The following TTLL9 variants were observed in gnomAD, a reference collection of about 807,000 sequenced individuals.
TTLL9 encodes tubulin tyrosine ligase like 9.
Under a neutral mutation model 65.6 loss-of-function variants are expected in TTLL9, and 47 were observed. The observed-to-expected ratio is 0.72, with a 90% CI of 0.57 to 0.91. The LOEUF (loss-of-function observed/expected upper bound fraction) is 0.91, where lower values mean the gene tolerates loss of function less well. Among genes scored for constraint, TTLL9 ranks in the 40% least tolerant of loss-of-function variants. TTLL9 has a pLI of 0.00. For missense variants in TTLL9, 537 were observed against 568.8 expected (o/e 0.94, Z 0.57); for synonymous variants, 179 against 204.8 (o/e 0.87, Z 1.07).
At chr20:31,884,660 C>G (rs1270936819) in intron 2 of TTLL9, among the ~76,000 whole-genome samples, 1 of 152,242 alleles carries the variant, frequency 6.6e-6, no homozygotes, top group Non-Finnish European at 1.5e-5. Context: ...GAGGCTGTCT[C>G]ATGGTCCCCT....
chr20:31,894,492 CTAAT>C (rs146076594), intron 3 of TTLL9, among the ~76,000 whole-genome samples: 13,084 of 152,078 alleles, frequency 0.086, 731 homozygotes, highest in African/African-American at 0.15. Context: ...AATTTCTTCT[CTAAT>C]GATTCTGATA....
Position 31,926,088 on chromosome 20 carries a change from CAG to C in TTLL9, c.746_747del (p.Gln249ArgfsTer67), listed in dbSNP as rs1310860192. 1 of 1,601,708 alleles carries C rather than the reference CAG, an allele frequency of 6.2e-7. No homozygotes were observed. The highest frequency in any genetic ancestry group is 1.3e-5 in the African/African-American group (1 of 74,670). Reference sequence around the variant, plus strand: ...CCTGCTGTGGTCTGGGCACAGGAGACAGGGTATGAGATAGGTCTGGTCCCTTC... The same window carrying C: ...CCTGCTGTGGTCTGGGCACAGGAGACGGTATGAGATAGGTCTGGTCCCTTC... Reference protein sequence around the residue: ...ECLLWSGHRRQDVHLTNVAVQ... With the variant: ...ECLLWSGHRRXDVHLTNVAVQ... On this transcript the variant is annotated frameshift_variant and splice_region_variant, in exon 10 of 15. Coordinates refer to ENST00000535842, the MANE Select transcript of TTLL9 (RefSeq NM_001008409.5). LOFTEE classifies it high-confidence loss of function.
intron 8 of TTLL9, 134 bp from the exon 9 acceptor site, chr20:31,924,875 C>A: frequency 1.0e-6 from 1 of 970,022 alleles, no homozygotes; most frequent in Non-Finnish European, 1.6e-6. Context: ...CCGCGCCTAG[C>A]CCCTTGTGTA....
intron 12 of TTLL9, 61 bp downstream of exon 12, chr20:31,934,949 C>T (rs1242494962): frequency 2.7e-6 from 4 of 1,502,136 alleles, no homozygotes; most frequent in Non-Finnish European, 3.6e-6. Flanking sequence ...CCCAGACTGC[C>T]CAGGTTTGAA....
rs60315473 is a variant in TTLL9, at chr20:31,931,078, C to CTT, written c.749-2705_749-2704dup. On this transcript the variant is annotated intron_variant, in intron 10 of 14. Coordinates refer to ENST00000535842, the MANE Select transcript of TTLL9 (RefSeq NM_001008409.5). ...TACTTTGCCCCAGCATCCTCTTTTC[C>CTT]TTTTTTTTTTTTTTTTTTCAAGACA... 3.3e-3 allele frequency among the ~76,000 whole-genome samples: 415 copies of CTT among 125,200 alleles called. 5 individuals are homozygous for CTT. Among genetic ancestry groups the CTT allele is most frequent in the African/African-American group, 4.1e-3 (140 of 33,756 alleles). The allele number at this position is 125,200 out of a possible 152,430, so 82.1% of individuals were successfully genotyped here. A position where few individuals can be genotyped will look rare whatever the true frequency, so the allele number is the denominator to read the frequency against.
At chr20:31,911,539 G>C (rs1413760841) in intron 6 of TTLL9, among the ~76,000 whole-genome samples, 1 of 152,224 alleles carries the variant, frequency 6.6e-6, no homozygotes, top group Admixed American at 6.5e-5. Flanking sequence ...AGGCCTCCCA[G>C]GTTCTTCCCC....
chr20:31,915,969 A>G (rs1363177671), intron 6 of TTLL9, among the ~76,000 whole-genome samples: 2 of 152,212 alleles, frequency 1.3e-5, no homozygotes, highest in African/African-American at 4.8e-5. Context: ...GTGAGCCCCC[A>G]GCTTGGACAG....
chr20:31,920,919 A>C (rs898148762), intron 7 of TTLL9, among the ~76,000 whole-genome samples: 37 of 152,208 alleles, frequency 2.4e-4, no homozygotes, highest in African/African-American at 8.7e-4. Context: ...AATAGGTGGG[A>C]GAGGTGTTTG....
intron 10 of TTLL9, among the ~76,000 whole-genome samples, chr20:31,932,482 A>AAAAAAAAAAAAAAG (rs2064035187): frequency 1.3e-5 from 2 of 151,168 alleles, no homozygotes; most frequent in African/African-American, 4.9e-5. Flanking sequence ...AAAAAAAAAA[A>AAAAAAAAAAAAAAG]AAAGGTCTAA....
intron 2 of TTLL9, among the ~76,000 whole-genome samples, chr20:31,885,007 A>G (rs1284590685): frequency 6.6e-6 from 1 of 152,222 alleles, no homozygotes; most frequent in East Asian, 1.9e-4. Context: ...TTAATTAAAA[A>G]TGTACAAGGC....
At chr20:31,938,093 TCTCCCTCTCCCTCTCCCTCC>T (rs1443575785) in intron 13 of TTLL9, 11 of 114,662 alleles carry the variant, frequency 9.6e-5, no homozygotes, top group Non-Finnish European at 1.5e-4. Context: ...CCTCCCTCCC[TCTCCCTCTCCCTCTCCCTCC>T]CTCCCTCTCC....
intron 14 of TTLL9, among the ~76,000 whole-genome samples, chr20:31,942,476 AC>A (rs972845327): frequency 6.6e-6 from 1 of 152,200 alleles, no homozygotes; most frequent in African/African-American, 2.4e-5. Flanking sequence ...GGTGCCAGGC[AC>A]TGTGCTAGCT....
At position 31,937,505 on chromosome 20, in the gene TTLL9, G is replaced by A; in HGVS notation, c.1114G>A (p.Ala372Thr). The change falls in exon 13 of 15, where the codon GCG becomes ACG. Residue 372 changes from alanine to threonine, a missense_variant. Coordinates refer to ENST00000535842, the MANE Select transcript of TTLL9 (RefSeq NM_001008409.5). ...EDTLHVVDME[A>T]RLTGREKRVG... ...CACCCTGCATGTTGTGGACATGGAA[G>A]CGAGGTGAGGGAGGGCAGCCTTGAT... 6.2e-7 allele frequency: 1 copy of A among 1,612,776 alleles called. No individual in the cohort carries two copies. Among genetic ancestry groups the A allele is most frequent in the Non-Finnish European group, 8.5e-7 (1 of 1,179,088 alleles).
chr20:31,871,321 C>T, intron 2 of TTLL9, 126 bp downstream of exon 2: 1 of 926,686 alleles, frequency 1.1e-6, no homozygotes, highest in East Asian at 2.5e-5. Flanking sequence ...GCCCTGTTCA[C>T]CTCTGACCTG....
chr20:31,904,832 G>C (rs2063528470), intron 4 of TTLL9, among the ~76,000 whole-genome samples: 1 of 152,018 alleles, frequency 6.6e-6, no homozygotes, highest in South Asian at 2.1e-4. Context: ...CTATCATCTT[G>C]CCTAGAGGTT....
intron 7 of TTLL9, among the ~76,000 whole-genome samples, chr20:31,921,551 T>C (rs551359465): frequency 1.1e-4 from 17 of 152,290 alleles, no homozygotes; most frequent in African/African-American, 3.8e-4. Context: ...CTATTCACAA[T>C]AGCAAAGACT....
At chr20:31,896,859 C>T (rs1003792163) in intron 3 of TTLL9, among the ~76,000 whole-genome samples, 1 of 152,252 alleles carries the variant, frequency 6.6e-6, no homozygotes, top group South Asian at 2.1e-4. Context: ...ATTGAACCAG[C>T]CTTGCCTACT....
chr20:31,932,328 C>T (rs11700068), intron 10 of TTLL9, among the ~76,000 whole-genome samples: 5,700 of 151,732 alleles, frequency 0.038, 141 homozygotes, highest in Non-Finnish European at 0.051. Flanking sequence ...AAAAACTAGC[C>T]GGGCATGATG....
Position 31,919,918 on chromosome 20 carries a change from G to T in TTLL9, c.559G>T (p.Val187Leu), listed in dbSNP as rs531929858. 3.1e-6 allele frequency: 5 copies of T among 1,591,018 alleles called. No individual in the cohort carries two copies. Among genetic ancestry groups the T allele is most frequent in the South Asian group, 1.1e-5 (1 of 88,064 alleles). ...CCTCTTCCGTAGGCTGAAGGACATC[G>T]TGGACTGGAGGAAGGTGAGCCTGCC... ...IFLFRRLKDI[V>L]DWRKDTRSSD... The change falls in exon 7 of 15, where the codon GTG (valine) becomes TTG (leucine). Residue 187 changes from valine to leucine, a missense_variant. Physicochemically the swap from Val to Leu is conservative, Grantham distance 32. Around this residue, in one of 3 missense-constraint regions of TTLL9, gnomAD observed 320 missense variants for 311.0 expected, o/e 1.03. Transcript: ENST00000535842.
Sources: gnomAD v4.1 joint callset for allele counts (sites outside exome capture counted in the v4.1 genomes callset) on GRCh38, gnomAD v4.1.1 for gene constraint, gnomAD v4.1.1 regional missense constraint, MANE v1.5 for transcripts, NCBI Gene and HGNC (gene_info 2026-07-23, HGNC 2026-07-21) for gene names.